ZNF532: variants seen among roughly 807,000 people sequenced by gnomAD.
ZNF532 encodes zinc finger protein 532.
Under a neutral mutation model 89.3 loss-of-function variants are expected in ZNF532, and 22 were observed. The observed-to-expected ratio is 0.25, with a 90% confidence interval of 0.18 to 0.35. The LOEUF (loss-of-function observed/expected upper bound fraction) is 0.35. Ranked by LOEUF, ZNF532 falls within the 10% of genes least tolerant of loss-of-function variation. The pLI is 1.00. For synonymous variants in ZNF532, 606 were observed against 649.6 expected, an observed-to-expected ratio of 0.93 and a Z score of 1.02; for missense variants, 1,132 against 1,643.4, an observed-to-expected ratio of 0.69 and a Z score of 5.38.
At chr18:58,917,293 C>T (rs554225283) in intron 2 of ZNF532, among the ~76,000 whole-genome samples, 6 of 152,126 alleles carry the variant, frequency 3.9e-5, no homozygotes, top group South Asian at 2.1e-4. Flanking sequence ...CTTGGTGTTG[C>T]GTTATTTGAC....
chr18:58,962,080 G>T (rs2065400710), intron 7 of ZNF532, among the ~76,000 whole-genome samples: 1 of 152,106 alleles, frequency 6.6e-6, no homozygotes, highest in African/African-American at 2.4e-5. Context: ...ACAAAAATTA[G>T]CTGGGCATGG....
chr18:58,959,154 C>G (rs2065073860), intron 7 of ZNF532, among the ~76,000 whole-genome samples: 1 of 151,888 alleles, frequency 6.6e-6, no homozygotes, highest in Non-Finnish European at 1.5e-5. Context: ...ATCAAGGAAC[C>G]TTAACTTATT....
intron 5 of ZNF532, among the ~76,000 whole-genome samples, chr18:58,943,231 C>T (rs1181740966): frequency 1.4e-5 from 2 of 146,422 alleles, no homozygotes; most frequent in Admixed American, 7.0e-5. Context: ...GCGATCTCTG[C>T]TCACTGCAAC....
intron 2 of ZNF532, among the ~76,000 whole-genome samples, chr18:58,905,497 T>A (rs2059879227): frequency 6.6e-6 from 1 of 151,366 alleles, no homozygotes; most frequent in Non-Finnish European, 1.5e-5. Context: ...CCTCCAGGGC[T>A]CAAGCTATCC....
rs558563516 is a variant in ZNF532, at chr18:58,938,922, A to G, written c.2529-523A>G. ...TCCAAAAATAGACCATTTGAGTTTT[A>G]TTTTTCTTCTTCATGATCTTTTCTC... On this transcript the variant is annotated intron_variant, in intron 4 of 9. Transcript: ENST00000591808. Among the ~76,000 whole-genome samples the G allele has an allele frequency of 5.3e-5, 8 of 152,236 alleles. No individual in the cohort carries two copies. The East Asian group carries it at 1.2e-3, about 22-fold the overall frequency.
intron 7 of ZNF532, among the ~76,000 whole-genome samples, chr18:58,974,452 T>C (rs2066819475): frequency 6.6e-6 from 1 of 152,212 alleles, no homozygotes; most frequent in African/African-American, 2.4e-5. Context: ...TCTCCTTTGA[T>C]GGACCCACCG....
chr18:58,882,822 G>C lies in ZNF532; in HGVS notation c.-18+17243G>C, dbSNP rs74953747. Among the ~76,000 whole-genome samples the C allele has an allele frequency of 8.6e-3, 1,304 of 152,314 alleles. 17 individuals are homozygous for C. Among genetic ancestry groups the C allele is most frequent in the African/African-American group, 0.03 (1,228 of 41,568 alleles). ...CTCATCCTGAAAGATTCCAGCATCA[G>C]ATAAGCTTGGGTAATGCTAAAGCCC... On this transcript the variant is annotated intron_variant, in intron 2 of 9. Transcript: ENST00000591808.
intron 2 of ZNF532, among the ~76,000 whole-genome samples, chr18:58,866,268 C>T (rs990068744): frequency 7.9e-5 from 12 of 152,176 alleles, no homozygotes; most frequent in Non-Finnish European, 1.0e-4. Context: ...TGTCTGATGC[C>T]TTTAAAGATC....
At chr18:58,895,560 C>T (rs762056510) in intron 2 of ZNF532, among the ~76,000 whole-genome samples, 4 of 152,182 alleles carry the variant, frequency 2.6e-5, no homozygotes, top group Non-Finnish European at 4.4e-5. Context: ...CAGTGACGGA[C>T]GGGCCTGCCT....
intron 2 of ZNF532, among the ~76,000 whole-genome samples, chr18:58,898,533 A>G (rs1461991805): frequency 1.3e-5 from 2 of 152,202 alleles, no homozygotes; most frequent in African/African-American, 2.4e-5. Context: ...CCTGAAGACC[A>G]GAGTCTAACA....
intron 7 of ZNF532, among the ~76,000 whole-genome samples, chr18:58,954,661 CT>C (rs141106605): frequency 0.038 from 4,914 of 128,804 alleles, 88 homozygotes; most frequent in East Asian, 0.066. Flanking sequence ...GTAATTGATA[CT>C]TTTTTTTTTT....
At chr18:58,902,169 G>A (rs1297441418) in intron 2 of ZNF532, among the ~76,000 whole-genome samples, 3 of 152,110 alleles carry the variant, frequency 2.0e-5, no homozygotes, top group Non-Finnish European at 2.9e-5. Flanking sequence ...CTGTGAGCCC[G>A]GCCCTGTGCA....
intron 5 of ZNF532, 140 bp downstream of exon 5, chr18:58,939,761 ACAGC>A: frequency 1.4e-6 from 1 of 727,818 alleles, no homozygotes; most frequent in Non-Finnish European, 2.2e-6. Flanking sequence ...TTTATGAAAT[ACAGC>A]TCATAGCTCA....
At chr18:58,973,033 T>C (rs1340786572) in intron 7 of ZNF532, among the ~76,000 whole-genome samples, 2 of 152,140 alleles carry the variant, frequency 1.3e-5, no homozygotes, top group African/African-American at 4.8e-5. Flanking sequence ...AACAAAACTT[T>C]GATTGTACGC....
intron 2 of ZNF532, among the ~76,000 whole-genome samples, chr18:58,898,977 C>T (rs559515693): frequency 7.7e-4 from 117 of 152,360 alleles, no homozygotes; most frequent in Non-Finnish European, 1.2e-3. Context: ...TGGCTTTCAG[C>T]GCTGGAGAGA....
intron 3 of ZNF532, among the ~76,000 whole-genome samples, chr18:58,927,478 T>G: frequency 6.6e-6 from 1 of 152,094 alleles, no homozygotes; most frequent in East Asian, 1.9e-4. Context: ...ATTGGCATTT[T>G]GGGTTGCTAG....
chr18:58,971,753 T>C (rs1353964557), intron 7 of ZNF532, among the ~76,000 whole-genome samples: 1 of 152,258 alleles, frequency 6.6e-6, no homozygotes, highest in Non-Finnish European at 1.5e-5. Context: ...ACAACCTTTA[T>C]ATTGGAAAGA....
At chr18:58,890,426 C>CT (rs2058805598) in intron 2 of ZNF532, among the ~76,000 whole-genome samples, 1 of 151,762 alleles carries the variant, frequency 6.6e-6, no homozygotes, top group Non-Finnish European at 1.5e-5. Context: ...GATCCTTATT[C>CT]TTTTTTTGAT....
At chr18:58,884,186 C>T (rs563626385) in intron 2 of ZNF532, among the ~76,000 whole-genome samples, 1 of 152,346 alleles carries the variant, frequency 6.6e-6, no homozygotes. Context: ...CAAGACCAGC[C>T]TGGCCAATAT....
Sources: gnomAD v4.1 joint callset for allele counts (sites outside exome capture counted in the v4.1 genomes callset) on GRCh38, gnomAD v4.1.1 for gene constraint, MANE v1.5 for transcripts, NCBI Gene and HGNC (gene_info 2026-07-23, HGNC 2026-07-21) for gene names.